The following RAD51AP2 variants were observed in gnomAD, a reference collection of about 807,000 sequenced individuals.
RAD51AP2 encodes the protein RAD51 associated protein 2, also known as RAD51-associated protein 2.
A neutral mutation model predicts 85.5 loss-of-function variants in RAD51AP2; 67 were observed. The observed-to-expected ratio is 0.78, with a 90% CI of 0.64 to 0.96. The LOEUF is 0.96. Ranked by LOEUF, RAD51AP2 falls within the 40% of genes least tolerant of loss-of-function variation. RAD51AP2 has a pLI of 0.00. For synonymous variants in RAD51AP2, 474 were observed against 446.5 expected, an observed-to-expected ratio of 1.06 and a Z score of -0.78; for missense variants, 1,307 against 1,332.4, an observed-to-expected ratio of 0.98 and a Z score of 0.30.
chr2:17,525,380 A>C, the RAD51AP2 span, among the ~76,000 whole-genome samples: 1 of 152,010 alleles, frequency 6.6e-6, no homozygotes, highest in Non-Finnish European at 1.5e-5. Context: ...GGTCTAGCAG[A>C]AAAAGAGCCA....
At chr2:17,513,988 C>A in intron 2 of RAD51AP2, 24 bp downstream of exon 2, 1 of 1,205,710 alleles carries the variant, frequency 8.3e-7, no homozygotes, top group South Asian at 1.3e-5. Flanking sequence ...TAGAAGTTAT[C>A]CTAAAAAGTA....
the RAD51AP2 span, among the ~76,000 whole-genome samples, chr2:17,531,877 C>T: frequency 6.6e-6 from 1 of 152,208 alleles, no homozygotes. Flanking sequence ...ATTTGTGAAC[C>T]ATAGATCTCT....
In RAD51AP2 at chr2:17,517,784, C is replaced by A; in HGVS notation, c.632G>T (p.Arg211Ile). The A allele has an allele frequency of 6.2e-7, 1 of 1,614,002 alleles. No individual in the cohort carries two copies. The highest frequency in any genetic ancestry group is 8.5e-7 in the Non-Finnish European group (1 of 1,179,888). ...TKSPFHEIKN[R>I]CKANSVVPSN... The stretch of plus-strand genomic sequence containing the variant: ...TGGCACAACACTGTTAGCTTTACAT[C>A]TGTTCTTAATTTCATGAAATGGTGA... Residue 211 changes from arginine (R) to isoleucine (I), a missense_variant, in exon 1 of 3, where the codon AGA becomes ATA. Transcript: ENST00000399080.
the RAD51AP2 span, among the ~76,000 whole-genome samples, chr2:17,532,411 C>A: frequency 6.6e-6 from 1 of 152,068 alleles, no homozygotes; most frequent in Non-Finnish European, 1.5e-5. Context: ...GCAGCATTCT[C>A]CCTGCCTGTG....
At position 17,515,531 on chromosome 2, in the gene RAD51AP2, A is replaced by G; in HGVS notation, c.2885T>C (p.Phe962Ser). 1 of 1,609,174 alleles carries G rather than the reference A, an allele frequency of 6.2e-7. No homozygotes were observed. ...STEALTIVKD[F>S]EMKRKFDLVL... is the part of the protein sequence containing the mutation. ...TAAGTCAAATTTTCTCTTCATCTCA[A>G]AATCTTTTACTATTGTCAGAGCTTC... The change falls in exon 1 of 3, where the codon TTT becomes TCT. Residue 962 changes from phenylalanine (F) to serine (S), a missense_variant. Phe to Ser is a radical substitution (Grantham distance 155). Around this residue, in one of 3 missense-constraint regions of RAD51AP2, gnomAD observed 668 missense variants for 671.0 expected, o/e 1.00. Coordinates refer to ENST00000399080, the MANE Select transcript of RAD51AP2 (RefSeq NM_001099218.3).
At chr2:17,523,770 C>T in the RAD51AP2 span, among the ~76,000 whole-genome samples, 2 of 151,818 alleles carry the variant, frequency 1.3e-5, no homozygotes, top group Non-Finnish European at 2.9e-5. Flanking sequence ...TTTATAGTTT[C>T]GTGATTTCAG....
chr2:17,535,521 T>C, the RAD51AP2 span, among the ~76,000 whole-genome samples: 1 of 152,244 alleles, frequency 6.6e-6, no homozygotes, highest in East Asian at 1.9e-4. Flanking sequence ...GAGGCTGAAC[T>C]AATACAGTGG....
chr2:17,525,978 CCTT>C, the RAD51AP2 span, among the ~76,000 whole-genome samples: 2 of 151,826 alleles, frequency 1.3e-5, no homozygotes, highest in Admixed American at 1.3e-4. Flanking sequence ...CATATATGAC[CCTT>C]CTTCTCGTAT....
the RAD51AP2 span, among the ~76,000 whole-genome samples, chr2:17,530,743 T>C: frequency 6.6e-6 from 1 of 152,108 alleles, no homozygotes; most frequent in African/African-American, 2.4e-5. Context: ...GATTGATAGA[T>C]CTGTTATCTT....
At chr2:17,528,904 A>AC in the RAD51AP2 span, among the ~76,000 whole-genome samples, 1 of 152,164 alleles carries the variant, frequency 6.6e-6, no homozygotes, top group African/African-American at 2.4e-5. Flanking sequence ...AAAAAGGAGG[A>AC]CCAGTACCTA....
upstream of RAD51AP2, among the ~76,000 whole-genome samples, chr2:17,521,925 T>A (rs1662865544): frequency 6.6e-6 from 1 of 151,984 alleles, no homozygotes; most frequent in Non-Finnish European, 1.5e-5. Context: ...TCATCAAATC[T>A]TGTTGATTTT....
At chr2:17,514,309 G>C (rs1192187195) in intron 1 of RAD51AP2, among the ~76,000 whole-genome samples, 1 of 152,138 alleles carries the variant, frequency 6.6e-6, no homozygotes, top group African/African-American at 2.4e-5. Context: ...TGAGAAAATA[G>C]TGTGCACCCA....
rs1558264878 is a variant in RAD51AP2, at chr2:17,515,729, A to G, written c.2687T>C (p.Val896Ala). 6.3e-7 allele frequency: 1 copy of G among 1,598,332 alleles called. No homozygotes were observed. ...EENKYVNQNY[V>A]TNTNEYESIL... is the part of the protein sequence containing the mutation. ...ACTCTCATATTCATTTGTATTTGTT[A>G]CATAATTTTGATTAACATATTTATT... Residue 896 changes from valine to alanine, a missense_variant, in exon 1 of 3, where the codon GTA becomes GCA. Around this residue, in one of 3 missense-constraint regions of RAD51AP2, gnomAD observed 668 missense variants for 671.0 expected, o/e 1.00. Coordinates refer to ENST00000399080, the MANE Select transcript of RAD51AP2 (RefSeq NM_001099218.3).
At chr2:17,522,910 C>A (rs992956518), upstream of RAD51AP2, among the ~76,000 whole-genome samples, 5 of 151,738 alleles carry the variant, frequency 3.3e-5, no homozygotes, top group African/African-American at 9.7e-5. Flanking sequence ...CATATATTGA[C>A]ATTAAATAAA....
Position 17,518,339 on chromosome 2 carries a change from G to A in RAD51AP2, c.77C>T (p.Pro26Leu). ...CTTGCTACTAGGTGGTTGGGAATCCGGGTCCTCAGGAGGCGTTAAAGAGGA... is the reference window on the plus strand; with the variant it reads ...CTTGCTACTAGGTGGTTGGGAATCCAGGTCCTCAGGAGGCGTTAAAGAGGA... ...PTSSLTPPEDPDSQPPSSKRL... is the reference protein window; with the variant it reads ...PTSSLTPPEDLDSQPPSSKRL... Residue 26 changes from proline to leucine, a missense_variant, in exon 1 of 3, where the codon CCG (proline) becomes CTG (leucine). This residue lies in a region of RAD51AP2 where 635 missense variants were observed against 643.6 expected (regional missense o/e 0.99). Transcript: ENST00000399080. The A allele has an allele frequency of 6.2e-7, 1 of 1,614,060 alleles. No homozygotes were observed. Among genetic ancestry groups the A allele is most frequent in the Non-Finnish European group, 8.5e-7 (1 of 1,180,016 alleles).
At chr2:17,529,403 T>A in the RAD51AP2 span, among the ~76,000 whole-genome samples, 1 of 152,016 alleles carries the variant, frequency 6.6e-6, no homozygotes, top group African/African-American at 2.4e-5. Context: ...ATAAAAATAA[T>A]CTTCCCAATT....
chr2:17,534,170 G>T, the RAD51AP2 span, among the ~76,000 whole-genome samples: 6 of 152,208 alleles, frequency 3.9e-5, no homozygotes, highest in East Asian at 7.7e-4. Context: ...TTTAATTTTA[G>T]TGCAAAATTT....
chr2:17,518,497 C>T, upstream of RAD51AP2: 1 of 1,498,082 alleles, frequency 6.7e-7, no homozygotes, highest in South Asian at 1.3e-5. Flanking sequence ...TCTGGTCACG[C>T]CCCTGACCCG....
Position 17,518,244 on chromosome 2 carries a change from A to G in RAD51AP2, c.172T>C (p.Ser58Pro), listed in dbSNP as rs768484913. The stretch of plus-strand genomic sequence containing the variant: ...AACTCCCAGACTTTTTCCGCCTCAG[A>G]CAAGCGAGGCACCAGAGGCAGTCGC... ...GWRLPLVPRL[S>P]EAEKVWELSP... Residue 58 changes from serine (S) to proline (P), a missense_variant, in exon 1 of 3, where the codon TCT (serine) becomes CCT (proline). By Grantham distance (74) the Ser-to-Pro change is moderately conservative. Transcript: ENST00000399080. The G allele has an allele frequency of 6.2e-7, 1 of 1,614,138 alleles. No homozygotes were observed. Among genetic ancestry groups the G allele is most frequent in the Non-Finnish European group, 8.5e-7 (1 of 1,180,006 alleles).
Sources: gnomAD v4.1 joint callset for allele counts (sites outside exome capture counted in the v4.1 genomes callset) on GRCh38, gnomAD v4.1.1 for gene constraint, gnomAD v4.1.1 regional missense constraint, MANE v1.5 for transcripts, NCBI Gene and HGNC (gene_info 2026-07-23, HGNC 2026-07-21) for gene names.